The following RANBP2 variants were observed in gnomAD, a reference collection of about 807,000 sequenced individuals.
RANBP2 encodes the protein E3 SUMO-protein ligase RanBP2.
Under a neutral mutation model 303.6 loss-of-function variants are expected in RANBP2, and 57 were observed. That is an observed-to-expected ratio of 0.19 (90% CI 0.15 to 0.23). The LOEUF is 0.23. Among genes scored for constraint, RANBP2 ranks in the 10% least tolerant of loss-of-function variants. The pLI is 1.00. For synonymous variants in RANBP2, 1,167 were observed against 1,301.5 expected (o/e 0.90, Z 2.23); for missense variants, 3,138 against 3,780.8 (o/e 0.83, Z 4.46).
the RANBP2 span, among the ~76,000 whole-genome samples, chr2:109,365,428 C>T: frequency 5.9e-3 from 895 of 152,314 alleles, 6 homozygotes; most frequent in African/African-American, 0.02. Flanking sequence ...CTATTGATCT[C>T]TTCAATTTGG....
chr2:109,188,057 C>T, the RANBP2 span, among the ~76,000 whole-genome samples: 1,011 of 152,306 alleles, frequency 6.6e-3, 3 homozygotes, highest in Non-Finnish European at 0.011. Context: ...CAGCCCACCC[C>T]GTGAGCGTAG....
At chr2:109,633,979 G>A in the RANBP2 span, among the ~76,000 whole-genome samples, 6 of 151,710 alleles carry the variant, frequency 4.0e-5, no homozygotes, top group East Asian at 3.9e-4. Flanking sequence ...AATTAGCTGG[G>A]TGTGGTGGCG....
the RANBP2 span, among the ~76,000 whole-genome samples, chr2:109,733,626 T>A: frequency 6.6e-6 from 1 of 151,882 alleles, no homozygotes; most frequent in Non-Finnish European, 1.5e-5. Context: ...GCCAAGGTGG[T>A]TGGATCCTTT....
At chr2:109,199,624 G>GTAACCCA in the RANBP2 span, among the ~76,000 whole-genome samples, 1 of 104 alleles carries the variant, frequency 9.6e-3, no homozygotes, top group African/African-American at 0.029. Flanking sequence ...GAATGGAATG[G>GTAACCCA]AATGGAATGG....
chr2:109,494,215 G>T, the RANBP2 span, among the ~76,000 whole-genome samples: 7 of 152,198 alleles, frequency 4.6e-5, no homozygotes, highest in Admixed American at 4.6e-4. Context: ...CATCTCTGAT[G>T]AATTAGAAAA....
At chr2:109,571,561 A>G in the RANBP2 span, among the ~76,000 whole-genome samples, 1 of 152,274 alleles carries the variant, frequency 6.6e-6, no homozygotes, top group Non-Finnish European at 1.5e-5. Context: ...ATCTAAACAC[A>G]GAAACATATA....
the RANBP2 span, chr2:108,885,299 T>C: frequency 1.3e-5 from 2 of 152,226 alleles, no homozygotes; most frequent in East Asian, 3.8e-4. Flanking sequence ...CATATAACTT[T>C]TCCCTGTCAA....
the RANBP2 span, among the ~76,000 whole-genome samples, chr2:109,391,784 A>G: frequency 6.6e-6 from 1 of 152,246 alleles, no homozygotes; most frequent in Admixed American, 6.5e-5. Context: ...TCTGTCCCAT[A>G]TGAGAATTTG....
At chr2:109,395,660 A>G in the RANBP2 span, among the ~76,000 whole-genome samples, 1 of 152,212 alleles carries the variant, frequency 6.6e-6, no homozygotes, top group South Asian at 2.1e-4. Context: ...CCGTGAAGGC[A>G]CAGTGCAGTC....
In RANBP2 at chr2:108,755,192, C is replaced by T. The variant is rs758773048; in HGVS notation, c.2399C>T (p.Pro800Leu). ...SKSYKYSPKT[P>L]PRWAEDQNSL... ...TTTTTTTAGTATTCTCCCAAAACACCACCTCGATGGGCAGAAGATCAGAAT... is the reference window on the plus strand; with the variant it reads ...TTTTTTTAGTATTCTCCCAAAACACTACCTCGATGGGCAGAAGATCAGAAT... The change falls in exon 17 of 29, where the codon CCA (proline) becomes CTA (leucine). Residue 800 changes from proline (P) to leucine (L), a missense_variant. This residue lies in a region of RANBP2 where 194 missense variants were observed against 197.4 expected (regional missense o/e 0.98). Coordinates refer to ENST00000283195, the MANE Select transcript of RANBP2 (RefSeq NM_006267.5). 1.2e-6 allele frequency: 2 copies of T among 1,611,592 alleles called. No homozygotes were observed. The highest frequency in any genetic ancestry group is 4.5e-5 in the East Asian group (2 of 44,872).
chr2:109,018,768 C>G, the RANBP2 span, among the ~76,000 whole-genome samples: 1 of 152,234 alleles, frequency 6.6e-6, no homozygotes, highest in African/African-American at 2.4e-5. Flanking sequence ...AGGAGCCACT[C>G]AGACCCTCAG....
chr2:109,699,282 CTG>C, the RANBP2 span, among the ~76,000 whole-genome samples: 1 of 152,152 alleles, frequency 6.6e-6, no homozygotes, highest in Non-Finnish European at 1.5e-5. Flanking sequence ...GTACTCTGCT[CTG>C]TGTATTCTAG....
chr2:108,983,073 A>G, the RANBP2 span, among the ~76,000 whole-genome samples: 1 of 152,212 alleles, frequency 6.6e-6, no homozygotes, highest in Non-Finnish European at 1.5e-5. Context: ...ACCGATGCAC[A>G]ATTAGTTTGT....
the RANBP2 span, among the ~76,000 whole-genome samples, chr2:109,302,826 T>C: frequency 6.6e-6 from 1 of 152,330 alleles, no homozygotes; most frequent in Middle Eastern, 3.4e-3. Context: ...GACATTCTAG[T>C]GATCTCTACA....
the RANBP2 span, among the ~76,000 whole-genome samples, chr2:109,692,989 C>G: frequency 6.6e-6 from 1 of 151,666 alleles, no homozygotes; most frequent in African/African-American, 2.4e-5. Flanking sequence ...AGACATATCT[C>G]ATTATACCGT....
chr2:109,514,437 T>C, the RANBP2 span, among the ~76,000 whole-genome samples: 1 of 152,114 alleles, frequency 6.6e-6, no homozygotes, highest in Non-Finnish European at 1.5e-5. Context: ...TGTGCACAGC[T>C]CAGACCTCCA....
chr2:108,769,889 C>T (rs1027826603), intron 20 of RANBP2, among the ~76,000 whole-genome samples: 1 of 151,752 alleles, frequency 6.6e-6, no homozygotes. Context: ...GAAATCTCAC[C>T]CTTAGTGACC....
the RANBP2 span, among the ~76,000 whole-genome samples, chr2:108,920,528 CTT>C: frequency 6.6e-6 from 1 of 152,264 alleles, no homozygotes; most frequent in Non-Finnish European, 1.5e-5. Context: ...CTTTTCATCT[CTT>C]TTCACCGGGC....
the RANBP2 span, among the ~76,000 whole-genome samples, chr2:109,606,275 T>G: frequency 6.6e-6 from 1 of 151,906 alleles, no homozygotes; most frequent in African/African-American, 2.4e-5. Context: ...ATTAGCTGGG[T>G]GTGGTGGCAC....
Sources: gnomAD v4.1 joint callset for allele counts (sites outside exome capture counted in the v4.1 genomes callset) on GRCh38, gnomAD v4.1.1 for gene constraint, gnomAD v4.1.1 regional missense constraint, MANE v1.5 for transcripts, NCBI Gene and HGNC (gene_info 2026-07-23, HGNC 2026-07-21) for gene names.